Variants in ERBB4 observed in about 807,000 individuals in gnomAD.
The protein encoded by ERBB4 is erb-b2 receptor tyrosine kinase 4.
In ERBB4, 42 loss-of-function variants were observed where a neutral mutation model predicts 158.0. The ratio of observed to expected loss-of-function variants is 0.27; its 90% CI spans 0.21 to 0.34. ERBB4 has a LOEUF of 0.34. ERBB4 is among the 10% of genes least tolerant of loss of function. ERBB4 has a pLI of 1.00. For synonymous variants in ERBB4, 583 were observed against 558.7 expected, an observed-to-expected ratio of 1.04 and a Z score of -0.61; for missense variants, 1,333 against 1,624.1, an observed-to-expected ratio of 0.82 and a Z score of 3.08.
chr2:212,196,622 A>G (rs927103069), intron 1 of ERBB4, among the ~76,000 whole-genome samples: 2 of 152,186 alleles, frequency 1.3e-5, no homozygotes, highest in African/African-American at 2.4e-5. Context: ...ACAGGAGGTA[A>G]GGAAAGAAGC....
chr2:212,408,833 T>C (rs1430061634), intron 1 of ERBB4, among the ~76,000 whole-genome samples: 1 of 152,174 alleles, frequency 6.6e-6, no homozygotes, highest in Non-Finnish European at 1.5e-5. Context: ...AAATTCACTC[T>C]GAAGTTTACA....
intron 1 of ERBB4, among the ~76,000 whole-genome samples, chr2:212,509,729 G>C (rs1022027888): frequency 6.6e-6 from 1 of 151,940 alleles, no homozygotes; most frequent in African/African-American, 2.4e-5. Context: ...CCCTGCTTCA[G>C]AAACTGTAGG....
intron 1 of ERBB4, among the ~76,000 whole-genome samples, chr2:212,165,845 A>G (rs2125658678): frequency 6.6e-6 from 1 of 152,240 alleles, no homozygotes; most frequent in African/African-American, 2.4e-5. Flanking sequence ...ACAGAACACA[A>G]TGCCAACTGT....
chr2:212,100,465 G>C (rs1454742704), intron 2 of ERBB4, among the ~76,000 whole-genome samples: 2 of 152,160 alleles, frequency 1.3e-5, no homozygotes, highest in African/African-American at 4.8e-5. Flanking sequence ...TCTTAATTCT[G>C]TCATTCTCAT....
At chr2:211,787,957 A>T in intron 4 of ERBB4, 68 bp downstream of exon 4, 1 of 1,458,824 alleles carries the variant, frequency 6.9e-7, no homozygotes, top group Non-Finnish European at 9.6e-7. Flanking sequence ...TGACATAATA[A>T]GCATAACTCA....
intron 3 of ERBB4, among the ~76,000 whole-genome samples, chr2:211,881,909 T>C (rs1272419295): frequency 6.6e-6 from 1 of 152,172 alleles, no homozygotes; most frequent in Non-Finnish European, 1.5e-5. Context: ...AGTGGCAGTC[T>C]TTTTGGGGGG....
At chr2:211,704,584 C>T (rs1157879900) in intron 10 of ERBB4, among the ~76,000 whole-genome samples, 2 of 152,134 alleles carry the variant, frequency 1.3e-5, no homozygotes, top group African/African-American at 4.8e-5. Context: ...TTAGATTTTG[C>T]ATTATTTTAC....
At chr2:212,248,796 A>G (rs1211308133) in intron 1 of ERBB4, among the ~76,000 whole-genome samples, 1 of 132,952 alleles carries the variant, frequency 7.5e-6, no homozygotes, top group Non-Finnish European at 1.7e-5. Context: ...ATTCTTAGGA[A>G]AAAAAAAACA....
intron 12 of ERBB4, among the ~76,000 whole-genome samples, chr2:211,685,861 T>C (rs1387540172): frequency 6.6e-6 from 1 of 152,172 alleles, no homozygotes; most frequent in East Asian, 1.9e-4. Context: ...TACACCAAAG[T>C]ATTTCATCTT....
intron 19 of ERBB4, among the ~76,000 whole-genome samples, chr2:211,599,204 C>T (rs1188277913): frequency 6.6e-6 from 1 of 152,084 alleles, no homozygotes; most frequent in Non-Finnish European, 1.5e-5. Context: ...AGTCTTTAAG[C>T]CAGTGATTCC....
intron 1 of ERBB4, among the ~76,000 whole-genome samples, chr2:212,253,697 T>C (rs752441089): frequency 6.6e-6 from 1 of 152,212 alleles, no homozygotes; most frequent in East Asian, 1.9e-4. Context: ...AAATTAATCA[T>C]TTCATGCCTA....
At chr2:211,928,627 T>G (rs541089045) in intron 3 of ERBB4, among the ~76,000 whole-genome samples, 18 of 152,280 alleles carry the variant, frequency 1.2e-4, no homozygotes, top group African/African-American at 3.9e-4. Flanking sequence ...GCAAACTGTC[T>G]GTTATGAATA....
chr2:212,468,717 T>C (rs1199348758), intron 1 of ERBB4, among the ~76,000 whole-genome samples: 2 of 152,202 alleles, frequency 1.3e-5, no homozygotes, highest in African/African-American at 4.8e-5. Context: ...ACGAGAGTGG[T>C]AGAACCAATG....
chr2:211,581,837 C>T (rs909455017), intron 19 of ERBB4, among the ~76,000 whole-genome samples: 2 of 151,934 alleles, frequency 1.3e-5, no homozygotes, highest in African/African-American at 4.8e-5. Flanking sequence ...TGGTGAAACC[C>T]CGTTTCCATT....
intron 1 of ERBB4, among the ~76,000 whole-genome samples, chr2:212,365,541 G>A (rs1055010687): frequency 6.6e-6 from 1 of 151,690 alleles, no homozygotes; most frequent in Non-Finnish European, 1.5e-5. Flanking sequence ...TAAGTACTGA[G>A]AAAAACTTTA....
intron 13 of ERBB4, among the ~76,000 whole-genome samples, chr2:211,677,690 C>G (rs1173849375): frequency 6.6e-6 from 1 of 151,102 alleles, no homozygotes; most frequent in Non-Finnish European, 1.5e-5. Flanking sequence ...CTGGCTAACA[C>G]AGTGAAACCC....
chr2:212,353,878 T>G (rs551441735), intron 1 of ERBB4, among the ~76,000 whole-genome samples: 1 of 152,260 alleles, frequency 6.6e-6, no homozygotes, highest in South Asian at 2.1e-4. Context: ...TCTGGACCAG[T>G]GCAGTTAAGA....
intron 19 of ERBB4, among the ~76,000 whole-genome samples, chr2:211,610,506 C>T (rs1235037103): frequency 6.6e-6 from 1 of 152,128 alleles, no homozygotes; most frequent in Non-Finnish European, 1.5e-5. Context: ...TTTCTACCTG[C>T]ATTTTATGAA....
intron 1 of ERBB4, among the ~76,000 whole-genome samples, chr2:212,246,391 A>G (rs1036239024): frequency 6.6e-6 from 1 of 152,208 alleles, no homozygotes; most frequent in African/African-American, 2.4e-5. Flanking sequence ...TTCTCAAAAA[A>G]TAACTAGCAT....
Sources: allele counts gnomAD v4.1 joint callset (sites outside exome capture counted in the v4.1 genomes callset), GRCh38; gene constraint gnomAD v4.1.1; transcripts MANE v1.5; gene names NCBI Gene and HGNC (gene_info 2026-07-23, HGNC 2026-07-21).